The following DCLK1 variants were observed in gnomAD, a reference collection of about 807,000 sequenced individuals.
DCLK1 encodes the protein serine/threonine-protein kinase DCLK1.
In DCLK1, 16 loss-of-function variants were observed where a neutral mutation model predicts 86.2. The ratio of observed to expected loss-of-function variants is 0.19; its 90% confidence interval spans 0.13 to 0.28. The LOEUF (loss-of-function observed/expected upper bound fraction) is 0.28, where lower values mean the gene tolerates loss of function less well. DCLK1 is among the 10% of genes least tolerant of loss of function. The pLI, the probability that DCLK1 is intolerant of heterozygous loss-of-function variation, is 1.00. For synonymous variants in DCLK1, 369 were observed against 370.5 expected (o/e 1.00, Z 0.05); for missense variants, 590 against 940.2 (o/e 0.63, Z 4.87).
chr13:36,077,082 C>T (rs1566671647), intron 3 of DCLK1, among the ~76,000 whole-genome samples: 1 of 152,084 alleles, frequency 6.6e-6, no homozygotes, highest in Non-Finnish European at 1.5e-5. Context: ...TTACTGAGCA[C>T]TTACTATCAA....
intron 3 of DCLK1, among the ~76,000 whole-genome samples, chr13:35,960,720 G>A (rs1878405892): frequency 6.6e-6 from 1 of 152,158 alleles, no homozygotes; most frequent in African/African-American, 2.4e-5. Flanking sequence ...GCCTCTCAAA[G>A]TGCTGGGATT....
chr13:35,823,044 G>T (rs962630535), intron 10 of DCLK1, among the ~76,000 whole-genome samples, 169 bp from the exon 11 acceptor site: 3 of 152,090 alleles, frequency 2.0e-5, no homozygotes, highest in Non-Finnish European at 4.4e-5. Context: ...GCTGAATGGT[G>T]ATTTCTCCAC....
chr13:35,850,638 G>A (rs1870545723), intron 6 of DCLK1: 1 of 1,404,830 alleles, frequency 7.1e-7, no homozygotes, highest in Non-Finnish European at 9.3e-7. Flanking sequence ...ACTCTTTTGT[G>A]TATTTTGCTG....
At chr13:35,971,035 C>T (rs570274384) in intron 3 of DCLK1, among the ~76,000 whole-genome samples, 2 of 152,254 alleles carry the variant, frequency 1.3e-5, no homozygotes, top group African/African-American at 4.8e-5. Context: ...ACATACTTGA[C>T]AGGCAAGAGC....
At chr13:35,779,993 A>G (rs967543291) in intron 16 of DCLK1, among the ~76,000 whole-genome samples, 3 of 152,066 alleles carry the variant, frequency 2.0e-5, no homozygotes, top group African/African-American at 7.2e-5. Flanking sequence ...CTGAAAAAAA[A>G]AAAAGCATTT....
rs112015894 is a variant in DCLK1 at position 35,972,542 on chromosome 13, C to T, written c.724-25085G>A. Among the ~76,000 whole-genome samples the T allele has an allele frequency of 8.0e-3, 1,210 of 152,082 alleles. 24 individuals are homozygous for T. The highest frequency in any genetic ancestry group is 0.061 in the East Asian group (315 of 5,168). ...TGATTACAAACATTCCTGAAAGCTC[C>T]GGAGGTATTCTGCATTGATATGTGG... On this transcript the variant is annotated intron_variant, in intron 3 of 16. Transcript: ENST00000360631.
At chr13:35,943,456 C>A (rs1877195985) in intron 4 of DCLK1, among the ~76,000 whole-genome samples, 1 of 152,090 alleles carries the variant, frequency 6.6e-6, no homozygotes, top group Non-Finnish European at 1.5e-5. Context: ...CTAAGCAAAA[C>A]AATAGACATT....
chr13:35,800,978 C>A, intron 15 of DCLK1, among the ~76,000 whole-genome samples: 1 of 152,028 alleles, frequency 6.6e-6, no homozygotes, highest in East Asian at 1.9e-4. Context: ...CCTGCCACGG[C>A]CTCCCAGAGT....
intron 5 of DCLK1, among the ~76,000 whole-genome samples, chr13:35,866,690 T>C (rs1871818129): frequency 6.6e-6 from 1 of 151,664 alleles, no homozygotes; most frequent in South Asian, 2.1e-4. Context: ...ATTACAGGCA[T>C]GAGCCACCAC....
chr13:35,934,517 A>G (rs1876646434), intron 4 of DCLK1, among the ~76,000 whole-genome samples: 1 of 152,216 alleles, frequency 6.6e-6, no homozygotes, highest in South Asian at 2.1e-4. Context: ...GAGAGAGTGA[A>G]GAAGACGCAA....
chr13:35,919,443 TA>T (rs1339191979), intron 4 of DCLK1, among the ~76,000 whole-genome samples: 1 of 152,194 alleles, frequency 6.6e-6, no homozygotes, highest in East Asian at 1.9e-4. Context: ...GATTGTTTCT[TA>T]AATCTTATGC....
At chr13:35,891,739 C>G (rs1032948563) in intron 4 of DCLK1, among the ~76,000 whole-genome samples, 4 of 152,134 alleles carry the variant, frequency 2.6e-5, no homozygotes, top group Non-Finnish European at 4.4e-5. Context: ...TCGTCTGCAC[C>G]GGCTAGGAAA....
chr13:35,950,758 C>T (rs1480670621), intron 3 of DCLK1, among the ~76,000 whole-genome samples: 1 of 152,102 alleles, frequency 6.6e-6, no homozygotes, highest in Non-Finnish European at 1.5e-5. Context: ...GGAGAAGCAC[C>T]TTTCCAAGCT....
chr13:36,062,620 T>G (rs1883590809), intron 3 of DCLK1, among the ~76,000 whole-genome samples: 1 of 152,142 alleles, frequency 6.6e-6, no homozygotes. Context: ...TTAGAGATAA[T>G]TACATAAAGT....
At chr13:35,809,977 C>T (rs1034407750) in intron 12 of DCLK1, among the ~76,000 whole-genome samples, 1 of 152,158 alleles carries the variant, frequency 6.6e-6, no homozygotes, top group African/African-American at 2.4e-5. Context: ...ACTGAAACTG[C>T]TAATGAGAAG....
chr13:36,000,328 A>C (rs944140134), intron 3 of DCLK1, among the ~76,000 whole-genome samples: 2 of 152,072 alleles, frequency 1.3e-5, no homozygotes, highest in Non-Finnish European at 2.9e-5. Flanking sequence ...TTGGATATCA[A>C]CCTGCAAGAA....
intron 3 of DCLK1, among the ~76,000 whole-genome samples, chr13:36,056,103 A>G (rs2153158112): frequency 7.1e-6 from 1 of 140,132 alleles, no homozygotes; most frequent in East Asian, 2.1e-4. Context: ...TGACCCAGCC[A>G]TCCCATTACT....
At chr13:36,075,868 CA>C (rs1040050327) in intron 3 of DCLK1, among the ~76,000 whole-genome samples, 10 of 151,910 alleles carry the variant, frequency 6.6e-5, no homozygotes, top group African/African-American at 2.4e-4. Flanking sequence ...AACACACACA[CA>C]AAAAAATTAG....
intron 3 of DCLK1, among the ~76,000 whole-genome samples, chr13:36,039,984 A>C (rs892101479): frequency 1.3e-5 from 2 of 150,952 alleles, no homozygotes; most frequent in Non-Finnish European, 2.9e-5. Context: ...GTGGGAGTGC[A>C]GTGGCATGAT....
Sources: gnomAD v4.1 joint callset for allele counts (sites outside exome capture counted in the v4.1 genomes callset) on GRCh38, gnomAD v4.1.1 for gene constraint, MANE v1.5 for transcripts, NCBI Gene and HGNC (gene_info 2026-07-23, HGNC 2026-07-21) for gene names.